Variants in CDH12 observed in about 807,000 individuals in gnomAD.
CDH12 encodes the protein cadherin-12.
A neutral mutation model predicts 74.1 loss-of-function variants in CDH12; 41 were observed. That is an observed-to-expected ratio of 0.55 (90% CI 0.43 to 0.72). CDH12 has a LOEUF of 0.72. CDH12 is among the 30% of genes least tolerant of loss of function. The pLI, the probability that CDH12 is intolerant of heterozygous loss-of-function variation, is 0.00. For synonymous variants in CDH12, 399 were observed against 355.0 expected (o/e 1.12, Z -1.39); for missense variants, 945 against 977.2 (o/e 0.97, Z 0.44).
intron 14 of CDH12, among the ~76,000 whole-genome samples, chr5:21,752,823 G>A (rs1744175364): frequency 1.3e-5 from 2 of 151,736 alleles, no homozygotes; most frequent in East Asian, 1.9e-4. Context: ...AGAGGAAGGA[G>A]GAAGGAAGGA....
chr5:22,639,784 A>C (rs1161412033), intron 1 of CDH12, among the ~76,000 whole-genome samples: 1 of 152,122 alleles, frequency 6.6e-6, no homozygotes, highest in Admixed American at 6.5e-5. Flanking sequence ...CTCAGAGTAG[A>C]ACATGAAACA....
At chr5:21,908,456 G>A (rs1328364807) in intron 6 of CDH12, among the ~76,000 whole-genome samples, 2 of 152,132 alleles carry the variant, frequency 1.3e-5, no homozygotes, top group Non-Finnish European at 2.9e-5. Context: ...TGCATGGGTT[G>A]GGCCAAGATC....
chr5:22,846,952 G>T (rs1737333321), intron 1 of CDH12, among the ~76,000 whole-genome samples: 1 of 150,616 alleles, frequency 6.6e-6, no homozygotes, highest in East Asian at 1.9e-4. Flanking sequence ...TTTTAATACC[G>T]TTGTTAAAAT....
At chr5:22,081,764 G>A (rs1293922965) in intron 4 of CDH12, among the ~76,000 whole-genome samples, 4 of 152,046 alleles carry the variant, frequency 2.6e-5, no homozygotes, top group Non-Finnish European at 5.9e-5. Context: ...TCTCCTTTTC[G>A]CTTAGAAGTC....
chr5:22,751,347 T>C (rs1745565241), intron 1 of CDH12, among the ~76,000 whole-genome samples: 1 of 148,250 alleles, frequency 6.7e-6, no homozygotes, highest in South Asian at 2.1e-4. Context: ...TACATATATA[T>C]ATATATATAT....
At position 22,713,332 on chromosome 5, in the gene CDH12, G is replaced by A. The variant is rs545482520; in HGVS notation, c.-523+139726C>T. 3.1e-3 allele frequency among the ~76,000 whole-genome samples: 467 copies of A among 151,138 alleles called. 3 individuals are homozygous for A. Among genetic ancestry groups the A allele is most frequent in the South Asian group, 5.0e-3 (24 of 4,754 alleles). On this transcript the variant is annotated intron_variant, in intron 1 of 14. Coordinates refer to ENST00000382254, the MANE Select transcript of CDH12 (RefSeq NM_004061.5). ...ATTTTTTTGTATTTTTAGTAGAGAC[G>A]GGGTTTCACTATGTTGGCCAGGATG...
chr5:21,901,451 C>CT (rs997080191), intron 6 of CDH12, among the ~76,000 whole-genome samples: 2 of 152,098 alleles, frequency 1.3e-5, no homozygotes, highest in African/African-American at 4.8e-5. Context: ...TTTCAAATAT[C>CT]TTTTTTCAAA....
intron 3 of CDH12, among the ~76,000 whole-genome samples, chr5:22,373,163 G>A (rs1037376565): frequency 1.3e-5 from 2 of 152,128 alleles, no homozygotes; most frequent in Non-Finnish European, 2.9e-5. Context: ...CCATCAAGGG[G>A]CCTGGATATC....
chr5:22,384,981 TTA>T (rs1741939189), intron 3 of CDH12, among the ~76,000 whole-genome samples: 1 of 152,202 alleles, frequency 6.6e-6, no homozygotes, highest in Admixed American at 6.5e-5. Context: ...AAAATAAAAA[TTA>T]TGTTAAACTA....
chr5:21,863,866 AAG>A (rs1388921540), intron 6 of CDH12, among the ~76,000 whole-genome samples: 3 of 152,176 alleles, frequency 2.0e-5, no homozygotes, highest in African/African-American at 7.2e-5. Flanking sequence ...ATGTAACAAA[AAG>A]AGAGAGATTT....
intron 3 of CDH12, among the ~76,000 whole-genome samples, chr5:22,262,424 C>T (rs1226504955): frequency 6.6e-6 from 1 of 151,848 alleles, no homozygotes; most frequent in African/African-American, 2.4e-5. Context: ...CAATTTCATC[C>T]ATGTCCCTAC....
intron 6 of CDH12, among the ~76,000 whole-genome samples, chr5:21,855,798 T>C (rs1192229927): frequency 5.3e-5 from 8 of 151,828 alleles, no homozygotes; most frequent in African/African-American, 1.9e-4. Flanking sequence ...TTCAGCCTTT[T>C]CTCTAAGAGT....
chr5:22,369,317 A>T (rs1459386525), intron 3 of CDH12, among the ~76,000 whole-genome samples: 1 of 152,154 alleles, frequency 6.6e-6, no homozygotes, highest in African/African-American at 2.4e-5. Flanking sequence ...ATTTTTTAAT[A>T]TGTAAACAGG....
intron 1 of CDH12, among the ~76,000 whole-genome samples, chr5:22,667,467 T>C (rs1427973380): frequency 1.3e-5 from 2 of 152,118 alleles, no homozygotes; most frequent in Non-Finnish European, 2.9e-5. Context: ...GGAAATCAAA[T>C]TTACACCATA....
At chr5:21,845,108 A>T (rs1750094226) in intron 7 of CDH12, among the ~76,000 whole-genome samples, 1 of 152,106 alleles carries the variant, frequency 6.6e-6, no homozygotes, top group African/African-American at 2.4e-5. Flanking sequence ...TGAATAACGG[A>T]AAGCTTGACT....
At chr5:22,766,713 A>C (rs1746534316) in intron 1 of CDH12, among the ~76,000 whole-genome samples, 1 of 152,092 alleles carries the variant, frequency 6.6e-6, no homozygotes, top group South Asian at 2.1e-4. Flanking sequence ...TTTGTACCGA[A>C]CATGCAGAAA....
chr5:22,342,470 C>T (rs1739895643), intron 3 of CDH12, among the ~76,000 whole-genome samples: 1 of 152,086 alleles, frequency 6.6e-6, no homozygotes, highest in African/African-American at 2.4e-5. Flanking sequence ...TTTGTACTTA[C>T]TGAGAATTTA....
At chr5:22,495,603 T>C (rs952916703) in intron 2 of CDH12, among the ~76,000 whole-genome samples, 7 of 152,198 alleles carry the variant, frequency 4.6e-5, no homozygotes, top group African/African-American at 1.7e-4. Context: ...CATAAATATA[T>C]ATATGTATGA....
At chr5:22,123,235 A>G (rs1355491682) in intron 4 of CDH12, among the ~76,000 whole-genome samples, 1 of 152,180 alleles carries the variant, frequency 6.6e-6, no homozygotes, top group Non-Finnish European at 1.5e-5. Context: ...GTGAGCACCT[A>G]GTAAGAAGAC....
Sources: gnomAD v4.1 joint callset for allele counts (sites outside exome capture counted in the v4.1 genomes callset) on GRCh38, gnomAD v4.1.1 for gene constraint, MANE v1.5 for transcripts, NCBI Gene and HGNC (gene_info 2026-07-23, HGNC 2026-07-21) for gene names.